The following ATP13A5 variants were observed in gnomAD, a reference collection of about 807,000 sequenced individuals.
The protein encoded by ATP13A5 is probable cation-transporting ATPase 13A5.
Under a neutral mutation model 150.2 loss-of-function variants are expected in ATP13A5, and 149 were observed. The observed-to-expected ratio is 0.99, with a 90% CI of 0.87 to 1.14. The LOEUF is 1.14. Among genes scored for constraint, ATP13A5 ranks in the 50% most tolerant of loss-of-function variants. ATP13A5 has a pLI of 0.00. For synonymous variants in ATP13A5, 497 were observed against 522.2 expected (o/e 0.95, Z 0.66); for missense variants, 1,383 against 1,449.3 (o/e 0.95, Z 0.74).
rs534298589 is a variant in ATP13A5, at chr3:193,345,638, G to A, written c.742-563C>T. Among the ~76,000 whole-genome samples the A allele has an allele frequency of 5.9e-5, 9 of 152,250 alleles. 1 individual carries two copies. The highest frequency in any genetic ancestry group is 2.2e-4 in the African/African-American group (9 of 41,560). On this transcript the variant is annotated intron_variant, in intron 7 of 29. Transcript: ENST00000342358. ...TGGAAGTATGGCTGCTGTATGAGTCGCTGAAGATTGGCCAAGACTCAGGTA... is the reference window on the plus strand; with the variant it reads ...TGGAAGTATGGCTGCTGTATGAGTCACTGAAGATTGGCCAAGACTCAGGTA...
At chr3:193,353,001 A>G (rs1712624574) in intron 6 of ATP13A5, among the ~76,000 whole-genome samples, 6 of 152,118 alleles carry the variant, frequency 3.9e-5, no homozygotes, top group Admixed American at 3.3e-4. Context: ...GAGGATAGAA[A>G]TGAGGCATAT....
chr3:193,290,015 C>G lies in ATP13A5; in HGVS notation c.2893G>C (p.Ala965Pro). Residue 965 changes from alanine to proline, a missense_variant, in exon 26 of 30, where the codon GCA becomes CCA. This residue lies in a region of ATP13A5 where 568 missense variants were observed against 621.5 expected (regional missense o/e 0.91). Coordinates refer to ENST00000342358, the MANE Select transcript of ATP13A5 (RefSeq NM_198505.4). ...AYPKLAPYRP[A>P]GQLLSPPLLL... ...AAAGGGGGAGAAAGGAGCTGTCCTGCTGGTCTATATGGAGCCAGCTTTGGG... is the reference window on the plus strand; with the variant it reads ...AAAGGGGGAGAAAGGAGCTGTCCTGGTGGTCTATATGGAGCCAGCTTTGGG... 2 of 1,612,532 alleles carry G rather than the reference C, an allele frequency of 1.2e-6. No homozygotes were observed. Among genetic ancestry groups the G allele is most frequent in the South Asian group, 1.1e-5 (1 of 90,948 alleles).
chr3:193,350,906 T>C (rs1247101618), intron 7 of ATP13A5, among the ~76,000 whole-genome samples, 161 bp downstream of exon 7: 2 of 152,178 alleles, frequency 1.3e-5, no homozygotes, highest in Non-Finnish European at 2.9e-5. Context: ...CTCTCCCTGG[T>C]AGTCCAAAGT....
intron 16 of ATP13A5, among the ~76,000 whole-genome samples, chr3:193,320,853 G>A (rs1170801150): frequency 6.6e-6 from 1 of 152,150 alleles, no homozygotes; most frequent in Non-Finnish European, 1.5e-5. Flanking sequence ...AGACTAAAAA[G>A]CAATACAAAT....
intron 5 of ATP13A5, among the ~76,000 whole-genome samples, chr3:193,356,286 A>G (rs1257378705): frequency 1.3e-5 from 2 of 152,194 alleles, no homozygotes; most frequent in Admixed American, 1.3e-4. Context: ...CAAAAAAAAA[A>G]AAGACTGTAT....
chr3:193,284,494 T>G (rs1225118588), intron 27 of ATP13A5, among the ~76,000 whole-genome samples: 1 of 152,152 alleles, frequency 6.6e-6, no homozygotes, highest in Admixed American at 6.5e-5. Flanking sequence ...AGTCCTTCCC[T>G]CAGGACTTAA....
intron 25 of ATP13A5, among the ~76,000 whole-genome samples, chr3:193,290,362 G>A (rs924514715): frequency 6.6e-6 from 1 of 152,080 alleles, no homozygotes; most frequent in African/African-American, 2.4e-5. Flanking sequence ...ACCAGAAATT[G>A]TGTGTAAAAG....
At chr3:193,312,143 C>T (rs1313018793) in intron 19 of ATP13A5, among the ~76,000 whole-genome samples, 2 of 152,202 alleles carry the variant, frequency 1.3e-5, no homozygotes, top group Non-Finnish European at 2.9e-5. Context: ...ACATATGATA[C>T]TTGGACAGTA....
At chr3:193,311,685 G>T in intron 20 of ATP13A5, 131 bp downstream of exon 20, 1 of 1,299,252 alleles carries the variant, frequency 7.7e-7, no homozygotes, top group Non-Finnish European at 1.0e-6. Context: ...TTCAGGAGCA[G>T]TACTCCTTTG....
At chr3:193,288,377 A>G (rs1405409910) in intron 26 of ATP13A5, among the ~76,000 whole-genome samples, 2 of 152,090 alleles carry the variant, frequency 1.3e-5, no homozygotes. Context: ...TTATTTTAAG[A>G]AATTGTCACA....
rs748594630 is a variant in ATP13A5, at chr3:193,334,940, A to G, written c.1103T>C (p.Val368Ala). ...TGGAATCCACTAACCTGTTTGCAAA[A>G]CGACTGCTCGTACAGGCCCCTGCCC... The part of the protein sequence containing the change: ...PSGQGPVRAV[V>A]LQTGYNTAKG... Residue 368 changes from valine (V) to alanine (A), a missense_variant, in exon 10 of 30, where the codon GTT becomes GCT. Physicochemically the swap from Val to Ala is moderately conservative, Grantham distance 64 (BLOSUM62 0). Coordinates refer to ENST00000342358, the MANE Select transcript of ATP13A5 (RefSeq NM_198505.4). The G allele has an allele frequency of 6.2e-7, 1 of 1,612,784 alleles. No homozygotes were observed. Among genetic ancestry groups the G allele is most frequent in the Non-Finnish European group, 8.5e-7 (1 of 1,179,198 alleles).
rs76208571 is a variant in ATP13A5, at chr3:193,287,159, G to A, written c.3024-2043C>T. Among the ~76,000 whole-genome samples the A allele has an allele frequency of 2.6e-3, 402 of 152,214 alleles. 3 individuals carry two copies. Among genetic ancestry groups the A allele is most frequent in the African/African-American group, 9.0e-3 (374 of 41,550 alleles). On this transcript the variant is annotated intron_variant, in intron 26 of 29. Transcript: ENST00000342358. The stretch of plus-strand genomic sequence containing the variant: ...GGTTCCTAAGACTGAGAGAAAGAAG[G>A]TGTCTCCATATGTAAAAGTACAAGG...
At position 193,288,363 on chromosome 3, in the gene ATP13A5, T is replaced by C. The variant is rs148566602; in HGVS notation, c.3023+1522A>G. Among the ~76,000 whole-genome samples the C allele has an allele frequency of 2.1e-4, 32 of 152,192 alleles. 1 individual carries two copies. Among genetic ancestry groups the C allele is most frequent in the Admixed American group, 2.0e-3 (31 of 15,264 alleles). ...TCAATCAGTGAGGCAAACTTCATCG[T>C]TGTTTATTTTAAGAAATTGTCACAG... On this transcript the variant is annotated intron_variant, in intron 26 of 29. Coordinates refer to ENST00000342358, the MANE Select transcript of ATP13A5 (RefSeq NM_198505.4).
intron 1 of ATP13A5, among the ~76,000 whole-genome samples, chr3:193,366,061 G>A (rs958928528): frequency 6.6e-6 from 1 of 152,032 alleles, no homozygotes; most frequent in Admixed American, 6.5e-5. Flanking sequence ...GTTCAGTGCA[G>A]CATTATCTGT....
At chr3:193,347,666 C>G (rs1712399767) in intron 7 of ATP13A5, among the ~76,000 whole-genome samples, 1 of 152,108 alleles carries the variant, frequency 6.6e-6, no homozygotes, top group Non-Finnish European at 1.5e-5. Context: ...TGCTGTAGAG[C>G]TGGATTGGTT....
chr3:193,314,420 CAT>C (rs1161328599), intron 18 of ATP13A5: 3 of 482,178 alleles, frequency 6.2e-6, no homozygotes, highest in East Asian at 6.8e-5. Context: ...TATTTCAAAA[CAT>C]GTGTGAATTA....
At chr3:193,321,950 A>G (rs1719296892) in intron 15 of ATP13A5, 113 bp from the exon 16 acceptor site, 1 of 1,202,224 alleles carries the variant, frequency 8.3e-7, no homozygotes, top group African/African-American at 1.5e-5. Flanking sequence ...TTGATGTAGT[A>G]TATTTGTCAC....
In ATP13A5 at chr3:193,290,010, T is replaced by TC; in HGVS notation, c.2897dup (p.Gln967ThrfsTer37). On this transcript the variant is annotated frameshift_variant, in exon 26 of 30. Transcript: ENST00000342358. LOFTEE classifies it high-confidence loss of function. Reference sequence around the variant, plus strand: ...GCAGTAAAGGGGGAGAAAGGAGCTGTCCTGCTGGTCTATATGGAGCCAGCT... The same window carrying TC: ...GCAGTAAAGGGGGAGAAAGGAGCTGTCCCTGCTGGTCTATATGGAGCCAGCT... 6.2e-7 allele frequency: 1 copy of TC among 1,612,792 alleles called. No homozygotes were observed. The highest frequency in any genetic ancestry group is 8.5e-7 in the Non-Finnish European group (1 of 1,179,200).
chr3:193,307,519 G>A (rs1244674193), intron 21 of ATP13A5, 150 bp from the exon 22 acceptor site: 1 of 891,542 alleles, frequency 1.1e-6, no homozygotes, highest in Non-Finnish European at 1.8e-6. Flanking sequence ...AAATGGTTTG[G>A]AGAGACATAT....
Sources: allele counts gnomAD v4.1 joint callset (sites outside exome capture counted in the v4.1 genomes callset), GRCh38; gene constraint gnomAD v4.1.1; regional missense constraint gnomAD v4.1.1; transcripts MANE v1.5; gene names NCBI Gene and HGNC (gene_info 2026-07-23, HGNC 2026-07-21).